The following CFAP57 variants were observed in gnomAD, a reference collection of about 807,000 sequenced individuals.
CFAP57 encodes cilia- and flagella-associated protein 57.
CFAP57 carries 116 observed loss-of-function variants against 146.8 expected under a neutral mutation model. That is an observed-to-expected ratio of 0.79 (90% CI 0.68 to 0.92). The LOEUF is 0.92. Ranked by LOEUF, CFAP57 falls within the 40% of genes least tolerant of loss-of-function variation. The pLI, the probability that CFAP57 is intolerant of heterozygous loss-of-function variation, is 0.00. For missense variants in CFAP57, 1,377 were observed against 1,527.2 expected (o/e 0.90, Z 1.64); for synonymous variants, 518 against 552.8 (o/e 0.94, Z 0.88).
intron 6 of CFAP57, among the ~76,000 whole-genome samples, chr1:43,191,651 C>T (rs1274428248): frequency 1.4e-5 from 2 of 146,202 alleles, no homozygotes; most frequent in Admixed American, 1.4e-4. Flanking sequence ...TATGATTTTC[C>T]TCCTCCCCCC....
At chr1:43,202,727 G>A (rs1433725981) in intron 9 of CFAP57, among the ~76,000 whole-genome samples, 1 of 151,256 alleles carries the variant, frequency 6.6e-6, no homozygotes, top group African/African-American at 2.4e-5. Context: ...AGGTTGCAGT[G>A]AGCCGAGATT....
chr1:43,173,457 A>G (rs938388564), intron 2 of CFAP57, among the ~76,000 whole-genome samples: 3 of 152,234 alleles, frequency 2.0e-5, no homozygotes, highest in Non-Finnish European at 4.4e-5. Flanking sequence ...TATACATACA[A>G]AAGAATGTAC....
At chr1:43,227,186 G>T in intron 18 of CFAP57, 60 bp downstream of exon 18, 1 of 1,445,080 alleles carries the variant, frequency 6.9e-7, no homozygotes, top group Non-Finnish European at 9.1e-7. Flanking sequence ...TTCCACAATT[G>T]GCTAGCTGGC....
rs374655577 is a variant in CFAP57, at chr1:43,238,259, G to A, written c.3405+3621G>A. ...GGTACTGCCATATTCTAAAGGCATC[G>A]ACTCAGGCCATGCCATTAGGGGGTG... On this transcript the variant is annotated intron_variant, in intron 21 of 22. Transcript: ENST00000372492. This position sits in a 1 kb window ranked among gnomAD's most constrained non-coding sequence, Gnocchi z 4.3. 1.0e-3 allele frequency among the ~76,000 whole-genome samples: 154 copies of A among 152,272 alleles called. No individual in the cohort carries two copies. The highest frequency in any genetic ancestry group is 3.4e-3 in the African/African-American group (140 of 41,540).
At chr1:43,203,749 G>A (rs894188436) in intron 9 of CFAP57, among the ~76,000 whole-genome samples, 9 of 152,096 alleles carry the variant, frequency 5.9e-5, no homozygotes, top group African/African-American at 9.7e-5. Context: ...GTGAGCCACC[G>A]TGGCCGGCCA....
chr1:43,243,272 C>G lies in CFAP57; in HGVS notation c.3451C>G (p.Leu1151Val). ...GGAAATTAATGAGCTCCGCAGGGAG[C>G]TGAAGTTCACTCGGTCCCAAGTCTA... ...IKEINELRRE[L>V]KFTRSQVYDL... Residue 1151 changes from leucine (L) to valine (V), a missense_variant, in exon 22 of 23, where the codon CTG (leucine) becomes GTG (valine). Leu to Val is a conservative substitution (Grantham distance 32). Coordinates refer to ENST00000372492, the MANE Select transcript of CFAP57 (RefSeq NM_001378189.1). The G allele has an allele frequency of 6.5e-7, 1 of 1,550,164 alleles. No homozygotes were observed. The highest frequency in any genetic ancestry group is 8.7e-7 in the Non-Finnish European group (1 of 1,146,738).
chr1:43,181,973 A>G (rs1427559839), intron 3 of CFAP57, 123 bp downstream of exon 3: 1 of 1,131,108 alleles, frequency 8.8e-7, no homozygotes, highest in East Asian at 2.5e-5. Context: ...TCTTACAACA[A>G]CCGTATAAGG....
rs1646381657 is a variant in CFAP57 at position 43,253,990 on chromosome 1, C to T, written c.3552C>T (p.Asp1184=). The T allele has an allele frequency of 6.5e-7, 1 of 1,550,228 alleles. No individual in the cohort carries two copies. The highest frequency in any genetic ancestry group is 2.0e-5 in the Admixed American group (1 of 50,948). Residue 1184 remains aspartate, a synonymous_variant, in exon 23 of 23, where the codon GAC becomes GAT. Transcript: ENST00000372492. ...QEVSETEPSR[D]MLSTAPTARL... is the part of the protein sequence containing the mutation. Reference sequence around the variant, plus strand: ...TGTCTCTTACAGAACCCAGCAGGGACATGCTCAGCACAGCTCCCACCGCAA... The same window carrying T: ...TGTCTCTTACAGAACCCAGCAGGGATATGCTCAGCACAGCTCCCACCGCAA...
chr1:43,186,957 A>G, intron 6 of CFAP57, 98 bp downstream of exon 6: 1 of 1,434,856 alleles, frequency 7.0e-7, no homozygotes, highest in Non-Finnish European at 9.7e-7. Context: ...ATAAGTTAGC[A>G]TAAACTCATG....
At chr1:43,209,476 T>C (rs77675678) in intron 10 of CFAP57, among the ~76,000 whole-genome samples, 3,320 of 152,326 alleles carry the variant, frequency 0.022, 64 homozygotes, top group South Asian at 0.065. Context: ...GCTTGGCACA[T>C]AGTAAGTGCT....
intron 9 of CFAP57, among the ~76,000 whole-genome samples, chr1:43,206,132 T>C (rs1644346464): frequency 6.6e-6 from 1 of 152,078 alleles, no homozygotes; most frequent in African/African-American, 2.4e-5. Flanking sequence ...AGCTTATTAT[T>C]TTTATTTTTA....
At chr1:43,185,113 C>T (rs547309227) in intron 4 of CFAP57, 36 bp from the exon 5 acceptor site, 3 of 1,606,440 alleles carry the variant, frequency 1.9e-6, no homozygotes, top group African/African-American at 2.7e-5. Flanking sequence ...TCAAGATTGT[C>T]TCTATAAATT....
At chr1:43,221,886 T>C (rs549930769) in intron 14 of CFAP57, among the ~76,000 whole-genome samples, 2 of 152,226 alleles carry the variant, frequency 1.3e-5, no homozygotes, top group Admixed American at 6.5e-5. Context: ...TCCTGGAAAC[T>C]TTTCTTCCCA....
chr1:43,239,584 A>T (rs1217168614), intron 21 of CFAP57, among the ~76,000 whole-genome samples: 1 of 152,236 alleles, frequency 6.6e-6, no homozygotes, highest in Non-Finnish European at 1.5e-5. Context: ...CAGACACAAA[A>T]TCAATAGGAC....
intron 12 of CFAP57, among the ~76,000 whole-genome samples, chr1:43,216,762 A>G (rs573937223): frequency 2.6e-5 from 4 of 151,520 alleles, no homozygotes; most frequent in Admixed American, 1.3e-4. Flanking sequence ...AGAATTCCCA[A>G]CTCTCTTTAT....
rs566798102 is a variant in CFAP57 at position 43,250,788 on chromosome 1, T to A, written c.3539-3189T>A. Among the ~76,000 whole-genome samples, 9 of 152,200 alleles carry A rather than the reference T, an allele frequency of 5.9e-5. No individual in the cohort carries two copies. In the East Asian group the frequency reaches 1.7e-3, roughly 29 times the overall value. ...ACTGTCTGGTACCCAAAAGAGACAC[T>A]CACTTGCCGGGACACAACACACAAT... On this transcript the variant is annotated intron_variant, in intron 22 of 22. Transcript: ENST00000372492.
intron 1 of CFAP57, 28 bp from the exon 2 acceptor site, chr1:43,172,707 T>A: frequency 6.2e-7 from 1 of 1,612,102 alleles, no homozygotes; most frequent in Non-Finnish European, 8.5e-7. Context: ...TGCTCTCCAC[T>A]CTGAAGCGCT....
chr1:43,222,119 C>A lies in CFAP57; in HGVS notation c.2356C>A (p.Gln786Lys), dbSNP rs1557798342. The change falls in exon 15 of 23, where the codon CAA (glutamine) becomes AAA (lysine). Residue 786 changes from glutamine (Q) to lysine (K), a missense_variant. By Grantham distance (53) the Gln-to-Lys change is moderately conservative (BLOSUM62 1). Transcript: ENST00000372492. The stretch of plus-strand genomic sequence containing the variant: ...CTTCTCTCCAGAATGTTGCAACAAC[C>A]AAAAGTTGCTTCTAGAATATGAGAA... ...ELQDMECCNN[Q>K]KLLLEYEKYQ... 9.7e-6 allele frequency: 15 copies of A among 1,546,656 alleles called. No individual in the cohort carries two copies. In the South Asian group the frequency reaches 1.6e-4, roughly 16 times the overall value.
At chr1:43,211,730 G>A (rs1012208480) in intron 11 of CFAP57, among the ~76,000 whole-genome samples, 7 of 152,136 alleles carry the variant, frequency 4.6e-5, no homozygotes, top group Non-Finnish European at 7.3e-5. Context: ...TACTGTAAGC[G>A]TTTGTCCATA....
Sources: gnomAD v4.1 joint callset for allele counts (sites outside exome capture counted in the v4.1 genomes callset) on GRCh38, gnomAD v4.1.1 for gene constraint, Gnocchi (gnomAD v3.1) non-coding constraint, MANE v1.5 for transcripts, NCBI Gene and HGNC (gene_info 2026-07-23, HGNC 2026-07-21) for gene names.